Variants in PRKCD observed in about 807,000 individuals in gnomAD.
PRKCD encodes protein kinase C delta.
A neutral mutation model predicts 82.2 loss-of-function variants in PRKCD; 20 were observed. The observed-to-expected ratio is 0.24, with a 90% CI of 0.17 to 0.35. PRKCD has a LOEUF of 0.35. Ranked by LOEUF, PRKCD falls within the 10% of genes least tolerant of loss-of-function variation. PRKCD has a pLI of 1.00. For missense variants in PRKCD, 607 were observed against 899.0 expected, an observed-to-expected ratio of 0.68 and a Z score of 4.15; for synonymous variants, 317 against 337.0, an observed-to-expected ratio of 0.94 and a Z score of 0.65.
intron 4 of PRKCD, 66 bp downstream of exon 4, chr3:53,179,842 A>G (rs947250703): frequency 1.1e-5 from 17 of 1,534,044 alleles, no homozygotes; most frequent in Non-Finnish European, 1.4e-5. Context: ...GCATGCGTGC[A>G]TGTGTGTGCG....
At chr3:53,188,185 C>A (rs1553669759) in intron 15 of PRKCD, among the ~76,000 whole-genome samples, 1 of 2,644 alleles carries the variant, frequency 3.8e-4, no homozygotes, top group African/African-American at 4.1e-4. Context: ...GAGACTGTGT[C>A]TCAAAAAAAA....
rs1260488674 is a variant in PRKCD at position 53,169,022 on chromosome 3, C to G, written c.-20+3807C>G. ...TAGAGGATGGAGAGCAGTCAGAAGACAGGTGCAGAGCCTGGGGATGGTGGT... is the reference window on the plus strand; with the variant it reads ...TAGAGGATGGAGAGCAGTCAGAAGAGAGGTGCAGAGCCTGGGGATGGTGGT... On this transcript the variant is annotated intron_variant, in intron 2 of 18. Transcript: ENST00000330452. This position sits in a 1 kb window ranked among gnomAD's most constrained non-coding sequence, Gnocchi z 4.7. Among the ~76,000 whole-genome samples, 7 of 152,006 alleles carry G rather than the reference C, an allele frequency of 4.6e-5. No individual in the cohort carries two copies. Among genetic ancestry groups the G allele is most frequent in the Non-Finnish European group, 1.0e-4 (7 of 67,996 alleles).
chr3:53,181,499 C>A lies in PRKCD; in HGVS notation c.432C>A (p.Arg144=), dbSNP rs1703440057. The A allele has an allele frequency of 6.2e-7, 1 of 1,614,078 alleles. No homozygotes were observed. The highest frequency in any genetic ancestry group is 1.1e-5 in the South Asian group (1 of 91,088). The change falls in exon 6 of 19, where the codon CGC becomes CGA. Residue 144 remains arginine, a synonymous_variant. Coordinates refer to ENST00000330452, the MANE Select transcript of PRKCD (RefSeq NM_006254.4). ...AGGCCAAGTTCCCAACGATGAACCG[C>A]CGCGGAGCCATCAAACAGGCCAAAA... ...EDEAKFPTMN[R]RGAIKQAKIH... is the part of the protein sequence containing the mutation.
rs1358554776 is a variant in PRKCD, at chr3:53,187,179, GCCCC to G, written c.1353-159_1353-156del. On this transcript the variant is annotated intron_variant, in intron 14 of 18. Coordinates refer to ENST00000330452, the MANE Select transcript of PRKCD (RefSeq NM_006254.4). ...TCAGAACTTTCTGCCTGGGCTGCCA[GCCCC>G]CACTTGCCTGATACAAGATGTACTT... Among the ~76,000 whole-genome samples the G allele has an allele frequency of 3.6e-3, 548 of 152,328 alleles. 1 individual carries two copies. Among genetic ancestry groups the G allele is most frequent in the African/African-American group, 0.012 (509 of 41,574 alleles).
At chr3:53,167,794 G>C (rs561094837) in intron 2 of PRKCD, among the ~76,000 whole-genome samples, 1 of 152,300 alleles carries the variant, frequency 6.6e-6, no homozygotes, top group South Asian at 2.1e-4. Flanking sequence ...ACATGGCCAG[G>C]TGGCTGTGGA....
At chr3:53,184,230 G>A (rs1290397140) in intron 9 of PRKCD, among the ~76,000 whole-genome samples, 2 of 152,214 alleles carry the variant, frequency 1.3e-5, no homozygotes, top group East Asian at 1.9e-4. Flanking sequence ...AGCTGCTCGG[G>A]AGGCTGAGGC....
chr3:53,173,187 A>G (rs1263315016), intron 2 of PRKCD, among the ~76,000 whole-genome samples: 1 of 152,172 alleles, frequency 6.6e-6, no homozygotes, highest in Non-Finnish European at 1.5e-5. Context: ...GCTGGTATAC[A>G]TCAGCACACG....
chr3:53,187,439 G>T, intron 15 of PRKCD, 37 bp downstream of exon 15: 1 of 1,606,058 alleles, frequency 6.2e-7, no homozygotes, highest in Non-Finnish European at 8.5e-7. Flanking sequence ...CTTGGGAGGG[G>T]AGGCTCCAGC....
intron 1 of PRKCD, among the ~76,000 whole-genome samples, chr3:53,162,638 G>C (rs908756889): frequency 6.6e-6 from 1 of 152,070 alleles, no homozygotes; most frequent in African/African-American, 2.4e-5. Flanking sequence ...CTGAGGCTCT[G>C]TGTGTGTCTT....
rs1479009776 is a variant in PRKCD, at chr3:53,161,425, G to C, written c.-135G>C. ...ACCCTTGGCGCCTGCCCCTGCAACG[G>C]GAGGTAAGTGAGGGCCGGGTCCGGG... On this transcript the variant is annotated 5_prime_UTR_variant, in exon 1 of 19. Coordinates refer to ENST00000330452, the MANE Select transcript of PRKCD (RefSeq NM_006254.4). The C allele has an allele frequency of 1.3e-5, 2 of 151,704 alleles. No homozygotes were observed. Among genetic ancestry groups the C allele is most frequent in the African/African-American group, 4.8e-5 (2 of 41,398 alleles). 9.4% of individuals were successfully genotyped at this position (151,704 alleles called of 1,614,324 possible).
intron 18 of PRKCD, 144 bp downstream of exon 18, chr3:53,190,145 A>G: frequency 2.5e-6 from 3 of 1,216,194 alleles, no homozygotes; most frequent in Admixed American, 3.7e-5. Flanking sequence ...CTGCCCTTGT[A>G]TTCTCATCCT....
intron 1 of PRKCD, among the ~76,000 whole-genome samples, chr3:53,163,698 C>A (rs191313065): frequency 1.5e-3 from 225 of 152,246 alleles, no homozygotes; most frequent in Middle Eastern, 3.4e-3. Flanking sequence ...CCCAGCTATA[C>A]GGTTCCCATT....
chr3:53,162,695 C>T (rs919957510), intron 1 of PRKCD, among the ~76,000 whole-genome samples: 49 of 147,984 alleles, frequency 3.3e-4, no homozygotes, highest in Non-Finnish European at 6.1e-4. Context: ...TCACCAGACT[C>T]GTGTGTGTGT....
intron 2 of PRKCD, among the ~76,000 whole-genome samples, chr3:53,171,126 C>G (rs1188204666): frequency 1.3e-5 from 2 of 152,172 alleles, no homozygotes; most frequent in Admixed American, 6.5e-5. Flanking sequence ...CTGCATCCCC[C>G]ACCCTGGCTC....
chr3:53,188,210 A>AAAAAAAAAAAAAC (rs1703784688), intron 15 of PRKCD, among the ~76,000 whole-genome samples: 1 of 145,524 alleles, frequency 6.9e-6, no homozygotes, highest in Non-Finnish European at 1.5e-5. Context: ...AAAAAAAAAA[A>AAAAAAAAAAAAAC]AAAAGGTGGG....
chr3:53,167,686 G>A (rs1444728662), intron 2 of PRKCD, among the ~76,000 whole-genome samples: 1 of 152,242 alleles, frequency 6.6e-6, no homozygotes, highest in African/African-American at 2.4e-5. Context: ...GTTATGTAAA[G>A]CATTTAGAGC....
chr3:53,191,011 C>CT (rs1341216145), intron 18 of PRKCD, among the ~76,000 whole-genome samples: 5 of 152,318 alleles, frequency 3.3e-5, no homozygotes, highest in Admixed American at 3.3e-4. Flanking sequence ...CCAGGGGGCT[C>CT]TTAGCACCAA....
At chr3:53,181,658 C>T (rs868920718) in intron 6 of PRKCD, 43 bp from the exon 7 acceptor site, 1 of 1,612,690 alleles carries the variant, frequency 6.2e-7, no homozygotes, top group Non-Finnish European at 8.5e-7. Flanking sequence ...GGGGGCCGAT[C>T]CCGGTCCCCG....
chr3:53,182,010 A>G, intron 7 of PRKCD: 1 of 620,648 alleles, frequency 1.6e-6, no homozygotes, highest in Non-Finnish European at 3.0e-6. Context: ...AAACCAGCCC[A>G]GGCCATGCAC....
Sources: allele counts gnomAD v4.1 joint callset (sites outside exome capture counted in the v4.1 genomes callset), GRCh38; gene constraint gnomAD v4.1.1; non-coding constraint Gnocchi (gnomAD v3.1); transcripts MANE v1.5; gene names NCBI Gene and HGNC (gene_info 2026-07-23, HGNC 2026-07-21).